The following ZNF365 variants were observed in gnomAD, a reference collection of about 807,000 sequenced individuals.
The protein encoded by ZNF365 is zinc finger protein 365, also known as protein ZNF365.
In ZNF365, 22 loss-of-function variants were observed where a neutral mutation model predicts 35.0. The ratio of observed to expected loss-of-function variants is 0.63; its 90% CI spans 0.45 to 0.90. The LOEUF is 0.90. Ranked by LOEUF, ZNF365 falls within the 40% of genes least tolerant of loss-of-function variation. ZNF365 has a pLI of 0.00. For synonymous variants in ZNF365, 188 were observed against 196.2 expected (o/e 0.96, Z 0.35); for missense variants, 448 against 500.3 (o/e 0.90, Z 1.00).
At chr10:62,412,502 T>C (rs767057598) in intron 3 of ZNF365, among the ~76,000 whole-genome samples, 43 of 152,154 alleles carry the variant, frequency 2.8e-4, no homozygotes, top group Middle Eastern at 3.2e-3. Flanking sequence ...AAATTATCTA[T>C]GTTTGCAGAT....
intron 3 of ZNF365, among the ~76,000 whole-genome samples, chr10:62,436,224 A>G (rs1390245052): frequency 2.6e-5 from 4 of 152,152 alleles, no homozygotes; most frequent in African/African-American, 9.7e-5. Context: ...CAAGCAAGCA[A>G]TTTTCCAGGC....
intron 3 of ZNF365, among the ~76,000 whole-genome samples, chr10:62,415,773 C>A (rs1031858477): frequency 1.3e-5 from 2 of 152,144 alleles, no homozygotes; most frequent in Non-Finnish European, 2.9e-5. Context: ...AGACCACATA[C>A]TTTGCTGGTA....
At chr10:62,446,769 A>G (rs1391795050) in intron 3 of ZNF365, among the ~76,000 whole-genome samples, 1 of 152,132 alleles carries the variant, frequency 6.6e-6, no homozygotes, top group Non-Finnish European at 1.5e-5. Flanking sequence ...ACCCTGGGTG[A>G]AACGGCTGGC....
chr10:62,432,298 A>G (rs1338641656), intron 3 of ZNF365, among the ~76,000 whole-genome samples: 5 of 152,128 alleles, frequency 3.3e-5, no homozygotes, highest in African/African-American at 9.7e-5. Context: ...TGTTTCCCAT[A>G]TTGTCTCCAT....
intron 4 of ZNF365, among the ~76,000 whole-genome samples, chr10:62,466,025 G>A (rs1449129086): frequency 1.3e-5 from 2 of 152,140 alleles, no homozygotes; most frequent in Non-Finnish European, 1.5e-5. Flanking sequence ...GACCTGAGTG[G>A]GGCAGTGGGA....
chr10:62,387,782 G>A (rs966501054), intron 2 of ZNF365, among the ~76,000 whole-genome samples: 6 of 152,052 alleles, frequency 3.9e-5, no homozygotes, highest in Admixed American at 6.5e-5. Flanking sequence ...TGCTCAGCTC[G>A]GCCTCTTGCT....
downstream of ZNF365, among the ~76,000 whole-genome samples, chr10:62,406,857 T>C (rs1262233872): frequency 1.3e-5 from 2 of 152,180 alleles, no homozygotes; most frequent in Admixed American, 6.5e-5. Flanking sequence ...TTGTATCCCA[T>C]TGTGAGAGAA....
At chr10:62,411,300 T>G (rs952511347) in intron 3 of ZNF365, among the ~76,000 whole-genome samples, 2 of 152,160 alleles carry the variant, frequency 1.3e-5, no homozygotes, top group Admixed American at 6.5e-5. Flanking sequence ...CACATGTCAA[T>G]TTTTGCTTTT....
At chr10:62,465,146 C>T (rs1433639858) in intron 4 of ZNF365, among the ~76,000 whole-genome samples, 2 of 152,226 alleles carry the variant, frequency 1.3e-5, no homozygotes, top group African/African-American at 2.4e-5. Context: ...TTGTCCTGCT[C>T]CCGGAGCCCA....
chr10:62,442,414 C>T (rs1243556289), intron 3 of ZNF365, among the ~76,000 whole-genome samples: 3 of 152,180 alleles, frequency 2.0e-5, no homozygotes, highest in African/African-American at 7.2e-5. Context: ...AATCAAACTA[C>T]ATTCTTTAAT....
chr10:62,399,725 G>T lies in ZNF365; in HGVS notation c.1160G>T (p.Arg387Leu), dbSNP rs752797846. The T allele has an allele frequency of 6.2e-7, 1 of 1,614,056 alleles. No individual in the cohort carries two copies. The highest frequency in any genetic ancestry group is 8.5e-7 in the Non-Finnish European group (1 of 1,180,020). The change falls in exon 5 of 5, where the codon CGC becomes CTC. Residue 387 changes from arginine (R) to leucine (L), a missense_variant. Physicochemically the swap from Arg to Leu is moderately radical, Grantham distance 102. Transcript: ENST00000395254. ...PKKGELLGFG[R>L]KGNIRPKMAK... ...AAAGGGGAGCTCCTGGGGTTTGGCC[G>T]CAAAGGCAACATCAGGCCCAAAATG... is the stretch of plus-strand genomic sequence containing the variant.
chr10:62,409,797 C>T lies in ZNF365; in HGVS notation c.924+21221C>T, dbSNP rs143529721. On this transcript the variant is annotated intron_variant, in intron 3 of 4. Transcript: ENST00000395255. The stretch of plus-strand genomic sequence containing the variant: ...TCATCCATCCAACCAACCAACCAAC[C>T]ATTCACCAATATTTATTTGGGGTCC... Among the ~76,000 whole-genome samples the T allele has an allele frequency of 2.6e-5, 4 of 152,234 alleles. No homozygotes were observed. The East Asian group carries it at 7.7e-4, about 29-fold the overall frequency.
intron 3 of ZNF365, among the ~76,000 whole-genome samples, chr10:62,429,415 A>C (rs1840301769): frequency 1.3e-5 from 2 of 152,214 alleles, no homozygotes; most frequent in African/African-American, 4.8e-5. Context: ...TTTGCAATAA[A>C]CTTCCTTCAG....
chr10:62,413,137 T>C lies in ZNF365; in HGVS notation c.924+24561T>C, dbSNP rs137957005. 1.3e-3 allele frequency among the ~76,000 whole-genome samples: 193 copies of C among 152,214 alleles called. 2 individuals carry two copies. The highest frequency in any genetic ancestry group is 4.4e-3 in the African/African-American group (182 of 41,512). On this transcript the variant is annotated intron_variant, in intron 3 of 4. Coordinates refer to the ZNF365 transcript ENST00000395255. ...TAGTAAAAGTAAAAATACAAAGGCA[T>C]CTGATGTTTTCTATTAGCTCTCCAA...
chr10:62,380,734 T>C (rs771892039), intron 2 of ZNF365, among the ~76,000 whole-genome samples: 5 of 152,208 alleles, frequency 3.3e-5, no homozygotes, highest in Non-Finnish European at 2.9e-5. Flanking sequence ...ATTTACTTAT[T>C]GAAGAGTATT....
At chr10:62,394,192 C>A (rs1839683026) in intron 3 of ZNF365, among the ~76,000 whole-genome samples, 1 of 152,114 alleles carries the variant, frequency 6.6e-6, no homozygotes, top group African/African-American at 2.4e-5. Context: ...AATCAGAAAT[C>A]CAAAATGCTC....
At chr10:62,429,937 C>T (rs180956129) in intron 3 of ZNF365, among the ~76,000 whole-genome samples, 85 of 152,234 alleles carry the variant, frequency 5.6e-4, no homozygotes, top group African/African-American at 1.8e-3. Flanking sequence ...ATACCAGAAA[C>T]GGTGACAGTT....
chr10:62,402,826 A>G (rs1839851023), downstream of ZNF365, among the ~76,000 whole-genome samples: 1 of 152,208 alleles, frequency 6.6e-6, no homozygotes, highest in Admixed American at 6.5e-5. Flanking sequence ...TACATCCAAG[A>G]CATTGCAAAG....
chr10:62,415,172 T>C (rs1485658971), intron 3 of ZNF365, among the ~76,000 whole-genome samples: 1 of 152,178 alleles, frequency 6.6e-6, no homozygotes, highest in African/African-American at 2.4e-5. Context: ...TGCATGTTTT[T>C]TTTCCCTCTT....
Sources: gnomAD v4.1 joint callset for allele counts (sites outside exome capture counted in the v4.1 genomes callset) on GRCh38, gnomAD v4.1.1 for gene constraint, MANE v1.5 for transcripts, NCBI Gene and HGNC (gene_info 2026-07-23, HGNC 2026-07-21) for gene names.